Variants in TMEM164 observed in about 807,000 individuals in gnomAD.
TMEM164 encodes the protein RP13-360B22.2.
In TMEM164, 4 loss-of-function variants were observed where a neutral mutation model predicts 18.8. The ratio of observed to expected loss-of-function variants is 0.21; its 90% CI spans 0.10 to 0.49. TMEM164 has a LOEUF of 0.49. Ranked by LOEUF, TMEM164 falls within the 20% of genes least tolerant of loss-of-function variation. TMEM164 has a pLI of 0.98. For synonymous variants in TMEM164, 86 were observed against 101.7 expected, an observed-to-expected ratio of 0.85 and a Z score of 0.93; for missense variants, 108 against 239.9, an observed-to-expected ratio of 0.45 and a Z score of 3.63.
At chrX:110,054,104 T>A (rs1219933308) in intron 2 of TMEM164, among the ~76,000 whole-genome samples, 1 of 112,166 alleles carries the variant, frequency 8.9e-6, no homozygotes, top group Non-Finnish European at 1.9e-5. Context: ...CAGGCCTGAC[T>A]CTTTGACTCA....
intron 4 of TMEM164, among the ~76,000 whole-genome samples, chrX:110,116,524 T>C (rs73636948): frequency 0.052 from 5,825 of 111,834 alleles, 357 homozygotes; most frequent in African/African-American, 0.17. Context: ...CAACTAAGTA[T>C]TGAGATTCTG....
chrX:110,147,436 C>T (rs372271500), intron 5 of TMEM164, among the ~76,000 whole-genome samples: 6 of 111,488 alleles, frequency 5.4e-5, no homozygotes, highest in East Asian at 5.6e-4. Context: ...CCAACCCCAC[C>T]GGCAGCTCTG....
chrX:110,116,830 G>A (rs2066370729), intron 4 of TMEM164, among the ~76,000 whole-genome samples: 1 of 104,664 alleles, frequency 9.6e-6, no homozygotes, highest in Admixed American at 1.0e-4. Flanking sequence ...CCTTGTGTGT[G>A]TGTGTGTGTG....
At chrX:110,081,314 G>C (rs747034384) in intron 3 of TMEM164, among the ~76,000 whole-genome samples, 1 of 111,511 alleles carries the variant, frequency 9.0e-6, no homozygotes, top group Non-Finnish European at 1.9e-5. Flanking sequence ...GGCAGAGTCA[G>C]GATTCCTATT....
chrX:110,060,369 G>C (rs1936068574), intron 2 of TMEM164, among the ~76,000 whole-genome samples: 1 of 110,719 alleles, frequency 9.0e-6, no homozygotes, highest in African/African-American at 3.3e-5. Context: ...GGGATCAGGG[G>C]TAACTCTGAG....
intron 4 of TMEM164, among the ~76,000 whole-genome samples, chrX:110,141,122 A>G (rs182453741): frequency 6.0e-4 from 67 of 111,879 alleles, no homozygotes; most frequent in Admixed American, 5.7e-3. Context: ...ACTGTACTGC[A>G]GCCTGGGTGA....
chrX:110,024,840 C>T (rs751347924), intron 2 of TMEM164, among the ~76,000 whole-genome samples: 1 of 112,124 alleles, frequency 8.9e-6, no homozygotes, highest in Admixed American at 9.5e-5. Flanking sequence ...CAGGCAGATA[C>T]ATAACTAGGT....
At chrX:110,143,885 C>T (rs189923394) in intron 4 of TMEM164, among the ~76,000 whole-genome samples, 5 of 110,814 alleles carry the variant, frequency 4.5e-5, no homozygotes, top group African/African-American at 1.6e-4. Context: ...GGCTAGGCCT[C>T]TTGTCAGCTG....
chrX:110,117,538 G>A (rs753950097), intron 4 of TMEM164, among the ~76,000 whole-genome samples: 1 of 111,995 alleles, frequency 8.9e-6, no homozygotes, highest in East Asian at 2.8e-4. Context: ...ACCCTGACTT[G>A]ATCATTGCAC....
chrX:110,164,761 G>A (rs1041886989), intron 5 of TMEM164, among the ~76,000 whole-genome samples: 14 of 111,321 alleles, frequency 1.3e-4, no homozygotes, highest in Non-Finnish European at 2.5e-4. Context: ...GTAGTGGTAG[G>A]ATTTTAGTGA....
intron 3 of TMEM164, among the ~76,000 whole-genome samples, chrX:110,095,151 T>C (rs2065995283): frequency 9.0e-6 from 1 of 111,713 alleles, no homozygotes; most frequent in Non-Finnish European, 1.9e-5. Flanking sequence ...CTGACAATTA[T>C]GTGTCTTGGA....
intron 3 of TMEM164, among the ~76,000 whole-genome samples, chrX:110,090,328 C>G (rs1158744332): frequency 9.8e-6 from 1 of 102,379 alleles, no homozygotes; most frequent in Non-Finnish European, 2.0e-5. Flanking sequence ...TTTTTTTGAG[C>G]AGAGTCTTGC....
At chrX:110,137,465 C>T (rs1041060370) in intron 4 of TMEM164, among the ~76,000 whole-genome samples, 23 of 111,993 alleles carry the variant, frequency 2.1e-4, no homozygotes, top group Non-Finnish European at 3.8e-4. Context: ...TCTCTCAAAT[C>T]TGCCCATCCT....
intron 4 of TMEM164, among the ~76,000 whole-genome samples, chrX:110,137,642 A>G (rs2066709809): frequency 9.0e-6 from 1 of 111,435 alleles, no homozygotes; most frequent in Non-Finnish European, 1.9e-5. Flanking sequence ...ACCAAAGCCA[A>G]TACATGATCT....
At chrX:110,046,633 C>A in intron 2 of TMEM164, 1 of 369,648 alleles carries the variant, frequency 2.7e-6, no homozygotes, top group Non-Finnish European at 3.5e-6. Flanking sequence ...ATGCCATTTG[C>A]TTGATTTAAG....
chrX:110,124,184 A>C (rs370803600), intron 4 of TMEM164, among the ~76,000 whole-genome samples: 823 of 48,923 alleles, frequency 0.017, 7 homozygotes, highest in Middle Eastern at 0.056. Flanking sequence ...GGAAGGCAGG[A>C]AGGCAGGCAG....
chrX:110,008,751 CT>C (rs2147666978), intron 2 of TMEM164, among the ~76,000 whole-genome samples: 1 of 111,284 alleles, frequency 9.0e-6, no homozygotes, highest in Admixed American at 9.6e-5. Flanking sequence ...ACTATTTAAC[CT>C]TTTCCTATCT....
intron 3 of TMEM164, among the ~76,000 whole-genome samples, chrX:110,086,474 G>C (rs1337968620): frequency 9.0e-6 from 1 of 111,004 alleles, no homozygotes; most frequent in Non-Finnish European, 1.9e-5. Flanking sequence ...AGGAGGACCA[G>C]ATGAAAAAGT....
chrX:110,137,004 G>A (rs958052086), intron 4 of TMEM164, among the ~76,000 whole-genome samples: 1 of 111,652 alleles, frequency 9.0e-6, no homozygotes, highest in African/African-American at 3.3e-5. Context: ...TGTTCCATTG[G>A]GTGTGTGAAG....
Sources: gnomAD v4.1 joint callset for allele counts (sites outside exome capture counted in the v4.1 genomes callset) on GRCh38, gnomAD v4.1.1 for gene constraint, MANE v1.5 for transcripts, NCBI Gene and HGNC (gene_info 2026-07-23, HGNC 2026-07-21) for gene names.